The following TMEM132D variants were observed in gnomAD, a reference collection of about 807,000 sequenced individuals.
TMEM132D encodes the protein transmembrane protein 132D, also known as mature OL transmembrane protein.
In TMEM132D, 21 loss-of-function variants were observed where a neutral mutation model predicts 62.3. That is an observed-to-expected ratio of 0.34 (90% CI 0.24 to 0.49). The LOEUF (loss-of-function observed/expected upper bound fraction) is 0.49. Among genes scored for constraint, TMEM132D ranks in the 20% least tolerant of loss-of-function variants. The pLI is 0.99. For missense variants in TMEM132D, 1,346 were observed against 1,402.8 expected (o/e 0.96, Z 0.65); for synonymous variants, 621 against 575.6 (o/e 1.08, Z -1.13).
intron 2 of TMEM132D, among the ~76,000 whole-genome samples, chr12:129,539,336 A>T (rs1876517736): frequency 6.6e-6 from 1 of 150,386 alleles, no homozygotes; most frequent in Non-Finnish European, 1.5e-5. Context: ...GGCTCCAGTG[A>T]TCCTCCCAGC....
chr12:129,197,370 C>T (rs537036317), intron 5 of TMEM132D, among the ~76,000 whole-genome samples: 13 of 152,210 alleles, frequency 8.5e-5, no homozygotes, highest in East Asian at 3.9e-4. Flanking sequence ...ATGGGTACCA[C>T]GTATGTGATC....
chr12:129,843,574 A>G (rs879072765), intron 1 of TMEM132D, among the ~76,000 whole-genome samples: 1 of 152,214 alleles, frequency 6.6e-6, no homozygotes, highest in Admixed American at 6.5e-5. Flanking sequence ...AACAAAAATA[A>G]GCAAACAATC....
intron 4 of TMEM132D, among the ~76,000 whole-genome samples, chr12:129,216,099 C>G (rs1449039076): frequency 6.6e-6 from 1 of 152,162 alleles, no homozygotes; most frequent in Admixed American, 6.5e-5. Flanking sequence ...TGTGACACTA[C>G]CAGCTGGGTG....
rs11060158 is a variant in TMEM132D at position 129,144,508 on chromosome 12, C to T, written c.1444-59806G>A. ...AGGGAGAAGAACTCAGACACCCACCCGACAGCCCTAGCTTAGACAGCCCTA... is the reference window on the plus strand; with the variant it reads ...AGGGAGAAGAACTCAGACACCCACCTGACAGCCCTAGCTTAGACAGCCCTA... On this transcript the variant is annotated intron_variant, in intron 5 of 8. Coordinates refer to ENST00000422113, the MANE Select transcript of TMEM132D (RefSeq NM_133448.3). 3.5e-3 allele frequency among the ~76,000 whole-genome samples: 533 copies of T among 152,204 alleles called. 4 individuals carry two copies. The highest frequency in any genetic ancestry group is 0.012 in the African/African-American group (499 of 41,536).
At chr12:129,626,582 C>A (rs142355124) in intron 2 of TMEM132D, among the ~76,000 whole-genome samples, 1 of 151,976 alleles carries the variant, frequency 6.6e-6, no homozygotes, top group African/African-American at 2.4e-5. Flanking sequence ...CTCAGACTCC[C>A]GAGTAGCTGC....
intron 5 of TMEM132D, among the ~76,000 whole-genome samples, chr12:129,122,570 A>C (rs1876098351): frequency 6.6e-6 from 1 of 152,188 alleles, no homozygotes; most frequent in Non-Finnish European, 1.5e-5. Flanking sequence ...ATCAAGTCAA[A>C]CCCCAAGAGG....
rs113394667 is a variant in TMEM132D, at chr12:129,382,692, G to C, written c.1116-44875C>G. ...GCATCTCATTCGTCTACCTTGCAAG[G>C]GATCTAGAAAGCTGGGCTCTTTTTT... On this transcript the variant is annotated intron_variant, in intron 3 of 8. Transcript: ENST00000422113. Among the ~76,000 whole-genome samples the C allele has an allele frequency of 8.3e-3, 1,260 of 152,258 alleles. 22 individuals are homozygous for C. Among genetic ancestry groups the C allele is most frequent in the African/African-American group, 0.029 (1,191 of 41,552 alleles).
intron 2 of TMEM132D, among the ~76,000 whole-genome samples, chr12:129,683,815 G>A (rs1481357174): frequency 6.6e-6 from 1 of 152,132 alleles, no homozygotes; most frequent in East Asian, 1.9e-4. Flanking sequence ...TTGCCCACTC[G>A]AATCTGCAGA....
chr12:129,759,391 C>T lies in TMEM132D; in HGVS notation c.80-58693G>A, dbSNP rs187113066. Among the ~76,000 whole-genome samples the T allele has an allele frequency of 2.0e-5, 3 of 152,236 alleles. No homozygotes were observed. The East Asian group carries it at 5.8e-4, about 29-fold the overall frequency. ...TTAGGACAACTTTTATGAGAGAAAT[C>T]GGCTCTAAGATCCAAAGGCCCTTTG... On this transcript the variant is annotated intron_variant, in intron 1 of 8. Coordinates refer to ENST00000422113, the MANE Select transcript of TMEM132D (RefSeq NM_133448.3).
intron 4 of TMEM132D, among the ~76,000 whole-genome samples, chr12:129,240,630 T>C (rs1879911916): frequency 6.6e-6 from 1 of 152,242 alleles, no homozygotes. Flanking sequence ...ATTTTGAATG[T>C]TAAATTCACT....
At chr12:129,862,954 T>C (rs560606869) in intron 1 of TMEM132D, among the ~76,000 whole-genome samples, 3 of 152,008 alleles carry the variant, frequency 2.0e-5, no homozygotes, top group East Asian at 1.9e-4. Context: ...TGAACGGCCC[T>C]GGCTGGTGCA....
At chr12:129,814,633 T>G in intron 1 of TMEM132D, among the ~76,000 whole-genome samples, 1 of 98,838 alleles carries the variant, frequency 1.0e-5, no homozygotes, top group East Asian at 3.3e-4. Flanking sequence ...AAAAAAAAAC[T>G]AAATAAAAAA....
At chr12:129,613,846 G>GGCTCCAGAACCCAACCA (rs1878844232) in intron 2 of TMEM132D, among the ~76,000 whole-genome samples, 1 of 151,458 alleles carries the variant, frequency 6.6e-6, no homozygotes, top group Non-Finnish European at 1.5e-5. Flanking sequence ...CCAGGGGATC[G>GGCTCCAGAACCCAACCA]GCTCCAGAAC....
chr12:129,177,272 A>G (rs1877932157), intron 5 of TMEM132D, among the ~76,000 whole-genome samples: 1 of 152,234 alleles, frequency 6.6e-6, no homozygotes, highest in Admixed American at 6.5e-5. Flanking sequence ...CTAATGAGAT[A>G]CATCCCCCTA....
intron 4 of TMEM132D, among the ~76,000 whole-genome samples, chr12:129,279,147 TACA>T (rs758771833): frequency 5.7e-4 from 87 of 152,142 alleles, no homozygotes; most frequent in Non-Finnish European, 9.0e-4. Context: ...GCAGCCCAAA[TACA>T]ACATTTCTGA....
intron 1 of TMEM132D, among the ~76,000 whole-genome samples, chr12:129,886,426 T>C (rs1242818168): frequency 6.6e-6 from 1 of 152,180 alleles, no homozygotes; most frequent in African/African-American, 2.4e-5. Context: ...TCATAAAATA[T>C]ACAGAATATC....
chr12:129,097,593 T>A (rs1875156423), intron 5 of TMEM132D, among the ~76,000 whole-genome samples: 1 of 152,220 alleles, frequency 6.6e-6, no homozygotes, highest in Non-Finnish European at 1.5e-5. Context: ...GCCTTAGGCC[T>A]CCAATGGTTG....
At chr12:129,544,078 T>A (rs1268513137) in intron 2 of TMEM132D, among the ~76,000 whole-genome samples, 1 of 152,230 alleles carries the variant, frequency 6.6e-6, no homozygotes, top group African/African-American at 2.4e-5. Context: ...TTCAGAAAGA[T>A]CCTATACACG....
At chr12:129,367,551 G>A (rs558262689) in intron 3 of TMEM132D, among the ~76,000 whole-genome samples, 1 of 152,228 alleles carries the variant, frequency 6.6e-6, no homozygotes, top group African/African-American at 2.4e-5. Flanking sequence ...TGTGCCGGGG[G>A]AGCAAGGGTC....
Sources: allele counts gnomAD v4.1 joint callset (sites outside exome capture counted in the v4.1 genomes callset), GRCh38; gene constraint gnomAD v4.1.1; transcripts MANE v1.5; gene names NCBI Gene and HGNC (gene_info 2026-07-23, HGNC 2026-07-21).